Variants in GRM8 observed in about 807,000 individuals in gnomAD.
GRM8 encodes the protein glutamate metabotropic receptor 8.
GRM8 carries 47 observed loss-of-function variants against 87.2 expected under a neutral mutation model. The ratio of observed to expected loss-of-function variants is 0.54; its 90% CI spans 0.43 to 0.69. The LOEUF is 0.69. GRM8 is among the 30% of genes least tolerant of loss of function. The probability of loss-of-function intolerance (pLI) is 0.00; values close to 1 mark genes in which losing one functional copy is unlikely to be tolerated. For missense variants in GRM8, 1,019 were observed against 1,139.2 expected, an observed-to-expected ratio of 0.89 and a Z score of 1.52; for synonymous variants, 396 against 404.5, an observed-to-expected ratio of 0.98 and a Z score of 0.25.
At chr7:126,528,572 G>A (rs975778831) in intron 9 of GRM8, among the ~76,000 whole-genome samples, 1 of 151,522 alleles carries the variant, frequency 6.6e-6, no homozygotes, top group African/African-American at 2.4e-5. Context: ...ATAAATATGA[G>A]TTATTAGTAC....
chr7:126,850,915 A>T (rs1287866633), intron 6 of GRM8, among the ~76,000 whole-genome samples: 1 of 152,136 alleles, frequency 6.6e-6, no homozygotes, highest in East Asian at 1.9e-4. Context: ...CTTTTGTCTA[A>T]TCTCATCTAA....
intron 2 of GRM8, among the ~76,000 whole-genome samples, chr7:127,146,813 ACT>A (rs1034386381): frequency 1.3e-5 from 2 of 151,836 alleles, no homozygotes; most frequent in East Asian, 1.9e-4. Flanking sequence ...TCTTACAGTA[ACT>A]CTGTACACCA....
intron 7 of GRM8, among the ~76,000 whole-genome samples, chr7:126,735,790 G>C (rs1321656929): frequency 6.6e-6 from 1 of 152,030 alleles, no homozygotes. Context: ...AACAAAGAGA[G>C]ACACAGAATA....
chr7:126,549,227 T>C (rs1165425444), intron 8 of GRM8, among the ~76,000 whole-genome samples: 1 of 152,020 alleles, frequency 6.6e-6, no homozygotes, highest in Non-Finnish European at 1.5e-5. Flanking sequence ...TCCAAACAGC[T>C]GTTATAGAAA....
At chr7:126,914,242 G>A (rs560491720) in intron 3 of GRM8, among the ~76,000 whole-genome samples, 52 of 152,264 alleles carry the variant, frequency 3.4e-4, no homozygotes, top group African/African-American at 1.2e-3. Flanking sequence ...ACACCAGTCA[G>A]AATGACTATT....
At chr7:126,976,170 C>T (rs760551221) in intron 3 of GRM8, among the ~76,000 whole-genome samples, 1 of 152,178 alleles carries the variant, frequency 6.6e-6, no homozygotes, top group Non-Finnish European at 1.5e-5. Context: ...TATTTTCAAA[C>T]CTTAGATACC....
chr7:126,556,304 C>G (rs1341430374), intron 8 of GRM8, among the ~76,000 whole-genome samples: 1 of 137,836 alleles, frequency 7.3e-6, no homozygotes, highest in Non-Finnish European at 1.5e-5. Context: ...GATGACACTA[C>G]TAGAGTGACA....
chr7:127,037,268 G>A (rs969419573), intron 3 of GRM8, among the ~76,000 whole-genome samples: 9 of 152,284 alleles, frequency 5.9e-5, no homozygotes, highest in Admixed American at 5.2e-4. Flanking sequence ...CTGAAGCCAT[G>A]TCTATGGATT....
At chr7:127,039,246 T>C (rs1010394755) in intron 3 of GRM8, among the ~76,000 whole-genome samples, 1 of 152,116 alleles carries the variant, frequency 6.6e-6, no homozygotes, top group South Asian at 2.1e-4. Flanking sequence ...GACTAATAAG[T>C]TAAAATGCAG....
intron 7 of GRM8, among the ~76,000 whole-genome samples, chr7:126,760,685 A>G (rs1413563679): frequency 6.6e-6 from 1 of 152,200 alleles, no homozygotes; most frequent in Non-Finnish European, 1.5e-5. Flanking sequence ...CAAGAATTAC[A>G]TATTTCCAAA....
intron 3 of GRM8, among the ~76,000 whole-genome samples, chr7:127,092,834 C>T (rs1041215156): frequency 6.6e-5 from 10 of 152,362 alleles, no homozygotes; most frequent in African/African-American, 2.2e-4. Flanking sequence ...CAGGTCCTCA[C>T]CAACACCACC....
intron 8 of GRM8, among the ~76,000 whole-genome samples, chr7:126,559,372 C>G (rs1194269726): frequency 6.6e-6 from 1 of 151,926 alleles, no homozygotes; most frequent in Non-Finnish European, 1.5e-5. Context: ...AGGGTTTCAT[C>G]ATGTTACTCC....
At chr7:126,806,430 T>C (rs117201132) in intron 6 of GRM8, among the ~76,000 whole-genome samples, 2,859 of 152,322 alleles carry the variant, frequency 0.019, 43 homozygotes, top group Non-Finnish European at 0.029. Flanking sequence ...ACCTCCAAAG[T>C]CCAGAAGAGG....
intron 8 of GRM8, among the ~76,000 whole-genome samples, chr7:126,567,864 G>A (rs1448046728): frequency 1.3e-5 from 2 of 151,986 alleles, no homozygotes; most frequent in Non-Finnish European, 2.9e-5. Flanking sequence ...ACTTTGATTG[G>A]ACAAAATAAC....
intron 6 of GRM8, among the ~76,000 whole-genome samples, chr7:126,784,469 A>C (rs1430710071): frequency 1.3e-5 from 2 of 152,204 alleles, no homozygotes; most frequent in African/African-American, 4.8e-5. Flanking sequence ...TATTTCTAAC[A>C]AATCTGCTTT....
At chr7:126,687,772 A>T (rs1286600635) in intron 7 of GRM8, among the ~76,000 whole-genome samples, 1 of 151,618 alleles carries the variant, frequency 6.6e-6, no homozygotes, top group African/African-American at 2.4e-5. Flanking sequence ...TGTTTCCTTT[A>T]AATTTAGTCA....
intron 2 of GRM8, among the ~76,000 whole-genome samples, chr7:127,207,246 A>G (rs1795964412): frequency 6.6e-6 from 1 of 152,214 alleles, no homozygotes; most frequent in Non-Finnish European, 1.5e-5. Flanking sequence ...TGTATTTACT[A>G]TCTATGCATT....
intron 6 of GRM8, among the ~76,000 whole-genome samples, chr7:126,830,278 GATAAT>G (rs936651297): frequency 6.6e-6 from 1 of 152,152 alleles, no homozygotes; most frequent in African/African-American, 2.4e-5. Context: ...TGTTCTCCTG[GATAAT>G]ATCCTGCAGA....
chr7:126,668,586 T>G lies in GRM8; in HGVS notation c.1358-59088A>C, dbSNP rs369921779. Among the ~76,000 whole-genome samples, 1,187 of 152,224 alleles carry G rather than the reference T, an allele frequency of 7.8e-3. 20 individuals carry two copies. Among genetic ancestry groups the G allele is most frequent in the African/African-American group, 0.027 (1,123 of 41,538 alleles). ...AGGGTCCTGCACAGCCACTGGCTGG[T>G]TCGCAGCCAGGCATGCTGCCGCAGC... On this transcript the variant is annotated intron_variant, in intron 7 of 10. Coordinates refer to ENST00000339582, the MANE Select transcript of GRM8 (RefSeq NM_000845.3).
Sources: gnomAD v4.1 joint callset for allele counts (sites outside exome capture counted in the v4.1 genomes callset) on GRCh38, gnomAD v4.1.1 for gene constraint, MANE v1.5 for transcripts, NCBI Gene and HGNC (gene_info 2026-07-23, HGNC 2026-07-21) for gene names.